ORMDL2: variants seen among roughly 807,000 people sequenced by gnomAD.
ORMDL2 encodes the protein ORMDL sphingolipid biosynthesis regulator 2.
Under a neutral mutation model 13.5 loss-of-function variants are expected in ORMDL2, and 11 were observed. That is an observed-to-expected ratio of 0.82 (90% CI 0.51 to 1.35). The LOEUF (loss-of-function observed/expected upper bound fraction) is 1.35, where lower values mean the gene tolerates loss of function less well. ORMDL2 is among the 40% of genes most tolerant of loss of function. ORMDL2 has a pLI of 0.00. For synonymous variants in ORMDL2, 73 were observed against 76.5 expected (o/e 0.95, Z 0.24); for missense variants, 160 against 191.1 (o/e 0.84, Z 0.96).
chr12:55,818,072 C>CG lies in ORMDL2; in HGVS notation c.-40dup, dbSNP rs1565686832. The CG allele has an allele frequency of 1.9e-6, 1 of 522,842 alleles. No individual in the cohort carries two copies. Among genetic ancestry groups the CG allele is most frequent in the East Asian group, 5.2e-5 (1 of 19,348 alleles). The allele number at this position is 522,842 out of a possible 1,614,324, so 32.4% of individuals were successfully genotyped here. ...TCCTGGAGACTTCAGGTGTGGTAGC[C>CG]GGCGCCGCGCCCATAGCCGGACGGG... On this transcript the variant is annotated 5_prime_UTR_variant, in exon 1 of 4. Transcript: ENST00000243045.
chr12:55,818,386 C>T (rs1366952242), intron 1 of ORMDL2: 2 of 277,576 alleles, frequency 7.2e-6, no homozygotes, highest in African/African-American at 2.3e-5. Context: ...TCACTGCTGC[C>T]CCTGGAGTCA....
chr12:55,820,359 C>A lies in ORMDL2; in HGVS notation c.426C>A (p.Phe142Leu). ...LSVLLPKLPQFHGVRVFGINK... is the reference protein window; with the variant it reads ...LSVLLPKLPQLHGVRVFGINK... ...TACTGCTGCCGAAGTTGCCCCAGTT[C>A]CATGGGGTTCGTGTCTTTGGCATCA... Residue 142 changes from phenylalanine to leucine, a missense_variant, in exon 4 of 4, where the codon TTC (phenylalanine) becomes TTA (leucine). By Grantham distance (22) the Phe-to-Leu change is conservative. Transcript: ENST00000243045. The A allele has an allele frequency of 1.2e-6, 2 of 1,614,188 alleles. No homozygotes were observed. Among genetic ancestry groups the A allele is most frequent in the Non-Finnish European group, 1.7e-6 (2 of 1,180,026 alleles).
chr12:55,819,054 A>G lies in ORMDL2; in HGVS notation c.55A>G (p.Ser19Gly), dbSNP rs896853126. The change falls in exon 2 of 4, where the codon AGC becomes GGC. Residue 19 changes from serine (S) to glycine (G), a missense_variant. Physicochemically the swap from Ser to Gly is moderately conservative, Grantham distance 56 (BLOSUM62 0). Coordinates refer to ENST00000243045, the MANE Select transcript of ORMDL2 (RefSeq NM_014182.5). ...AAACCCCAACACCCGAGTGATGAAT[A>G]GCCGAGGCATCTGGCTGGCCTACAT... Reference protein sequence around the residue: ...EVNPNTRVMNSRGIWLAYIIL... With the variant: ...EVNPNTRVMNGRGIWLAYIIL... 1 of 1,614,026 alleles carries G rather than the reference A, an allele frequency of 6.2e-7. No individual in the cohort carries two copies. Among genetic ancestry groups the G allele is most frequent in the African/African-American group, 1.3e-5 (1 of 74,916 alleles).
In ORMDL2 at chr12:55,821,059, TAAAAA is replaced by T. The variant is rs150092729; in HGVS notation, c.*670_*674del. ...ATGTACATACAAATATGAACAAACTTAAAAAAAAAATACAAACCCTTGGATCACAT... is the reference window on the plus strand; with the variant it reads ...ATGTACATACAAATATGAACAAACTTAAAAATACAAACCCTTGGATCACAT... On this transcript the variant is annotated 3_prime_UTR_variant, in exon 4 of 4. Transcript: ENST00000243045. The T allele has an allele frequency of 6.6e-6, 1 of 150,594 alleles. No individual in the cohort carries two copies. Among genetic ancestry groups the T allele is most frequent in the South Asian group, 2.1e-4 (1 of 4,776 alleles). The allele number at this position is 150,594 out of a possible 1,614,324, so 9.3% of individuals were successfully genotyped here.
chr12:55,821,714 A>G lies in ORMDL2; in HGVS notation c.*1319A>G. ...AATACAAAAAAGAATTAGCTGGGCC[A>G]GGTGTGGTGGTGTGTGCCTGTAATC... On this transcript the variant is annotated 3_prime_UTR_variant, in exon 4 of 4. Transcript: ENST00000243045. 1 of 258,598 alleles carries G rather than the reference A, an allele frequency of 3.9e-6. No individual in the cohort carries two copies. Among genetic ancestry groups the G allele is most frequent in the Non-Finnish European group, 7.3e-6 (1 of 137,600 alleles). 16.0% of individuals were successfully genotyped at this position (258,598 alleles called of 1,614,324 possible).
chr12:55,819,622 C>A, intron 3 of ORMDL2, 129 bp downstream of exon 3: 1 of 782,640 alleles, frequency 1.3e-6, no homozygotes, highest in Non-Finnish European at 2.1e-6. Flanking sequence ...TTATGGTATA[C>A]TAGTTCTAAG....
chr12:55,818,810 T>G (rs1880582849), intron 1 of ORMDL2, 189 bp from the exon 2 acceptor site: 4 of 581,234 alleles, frequency 6.9e-6, no homozygotes, highest in South Asian at 2.2e-5. Flanking sequence ...TGAAATGTAG[T>G]GAGGACTCTT....
rs1424324846 is a variant in ORMDL2, at chr12:55,821,069, AT to A, written c.*675del. ...AAATATGAACAAACTTAAAAAAAAA[AT>A]ACAAACCCTTGGATCACATGGGGGC... On this transcript the variant is annotated 3_prime_UTR_variant, in exon 4 of 4. Coordinates refer to ENST00000243045, the MANE Select transcript of ORMDL2 (RefSeq NM_014182.5). 1.3e-5 allele frequency: 2 copies of A among 152,692 alleles called. No homozygotes were observed. Among genetic ancestry groups the A allele is most frequent in the African/African-American group, 2.4e-5 (1 of 41,464 alleles). The allele number at this position is 152,692 out of a possible 1,614,324, so 9.5% of individuals were successfully genotyped here. A position where few individuals can be genotyped will look rare whatever the true frequency, so the allele number is the denominator to read the frequency against.
In ORMDL2 at chr12:55,821,083, A is replaced by G. The variant is rs916047702; in HGVS notation, c.*688A>G. 6.6e-6 allele frequency: 1 copy of G among 152,668 alleles called. No homozygotes were observed. Among genetic ancestry groups the G allele is most frequent in the African/African-American group, 2.4e-5 (1 of 41,464 alleles). The allele number at this position is 152,668 out of a possible 1,614,324, so 9.5% of individuals were successfully genotyped here. On this transcript the variant is annotated 3_prime_UTR_variant, in exon 4 of 4. Coordinates refer to ENST00000243045, the MANE Select transcript of ORMDL2 (RefSeq NM_014182.5). ...TTAAAAAAAAAATACAAACCCTTGG[A>G]TCACATGGGGGCTTCTGGGAACCCC... is the stretch of plus-strand genomic sequence containing the variant.
Position 55,819,098 on chromosome 12 carries a change from G to T in ORMDL2, c.99G>T (p.Leu33=), listed in dbSNP as rs751278530. The change falls in exon 2 of 4, where the codon CTG becomes CTT. Residue 33 remains leucine (L), a synonymous_variant. Coordinates refer to ENST00000243045, the MANE Select transcript of ORMDL2 (RefSeq NM_014182.5). ...WLAYIILVGL[L]HMVLLSIPFF... is the part of the protein sequence containing the mutation. ...CCTACATCATCTTGGTAGGATTGCT[G>T]CATATGGTTCTACTCAGCATCCCCT... 1 of 1,614,116 alleles carries T rather than the reference G, an allele frequency of 6.2e-7. No individual in the cohort carries two copies. Among genetic ancestry groups the T allele is most frequent in the Admixed American group, 1.7e-5 (1 of 60,028 alleles).
At position 55,821,781 on chromosome 12, in the gene ORMDL2, C is replaced by T. The variant is rs137920300; in HGVS notation, c.*1386C>T. ...CTGAGATGGGAGAATTGCTTGAACCCGGGAGACAGAGGTTGCAGTAAGCTG... is the reference window on the plus strand; with the variant it reads ...CTGAGATGGGAGAATTGCTTGAACCTGGGAGACAGAGGTTGCAGTAAGCTG... On this transcript the variant is annotated 3_prime_UTR_variant, in exon 4 of 4. Coordinates refer to ENST00000243045, the MANE Select transcript of ORMDL2 (RefSeq NM_014182.5). 6,596 of 442,086 alleles carry T rather than the reference C, an allele frequency of 0.015. 79 individuals carry two copies. Among genetic ancestry groups the T allele is most frequent in the Non-Finnish European group, 0.018 (4,701 of 265,134 alleles). 27.4% of individuals were successfully genotyped at this position (442,086 alleles called of 1,614,324 possible). A position where few individuals can be genotyped will look rare whatever the true frequency, so the allele number is the denominator to read the frequency against.
Position 55,820,294 on chromosome 12 carries a change from G to A in ORMDL2, c.361G>A (p.Ala121Thr). 1.9e-6 allele frequency: 3 copies of A among 1,613,788 alleles called. No homozygotes were observed. Among genetic ancestry groups the A allele is most frequent in the South Asian group, 1.1e-5 (1 of 91,064 alleles). The change falls in exon 4 of 4, where the codon GCT becomes ACT. Residue 121 changes from alanine (A) to threonine (T), a missense_variant. Transcript: ENST00000243045. ...LLASFYTKYD[A>T]AHFLINTASL... ...GGCCAGCTTCTATACCAAGTATGAT[G>A]CTGCGCACTTCCTCATCAACACAGC...
rs1880631587 is a variant in ORMDL2 at position 55,820,295 on chromosome 12, C to T, written c.362C>T (p.Ala121Val). 1 of 1,613,896 alleles carries T rather than the reference C, an allele frequency of 6.2e-7. No homozygotes were observed. Among genetic ancestry groups the T allele is most frequent in the African/African-American group, 1.3e-5 (1 of 75,026 alleles). Reference protein sequence around the residue: ...LLASFYTKYDAAHFLINTASL... With the variant: ...LLASFYTKYDVAHFLINTASL... ...GCCAGCTTCTATACCAAGTATGATG[C>T]TGCGCACTTCCTCATCAACACAGCC... Residue 121 changes from alanine (A) to valine (V), a missense_variant, in exon 4 of 4, where the codon GCT becomes GTT. Transcript: ENST00000243045.
Position 55,821,079 on chromosome 12 carries a change from T to C in ORMDL2, c.*684T>C, listed in dbSNP as rs960052199. Reference sequence around the variant, plus strand: ...AAACTTAAAAAAAAAATACAAACCCTTGGATCACATGGGGGCTTCTGGGAA... The same window carrying C: ...AAACTTAAAAAAAAAATACAAACCCCTGGATCACATGGGGGCTTCTGGGAA... On this transcript the variant is annotated 3_prime_UTR_variant, in exon 4 of 4. Coordinates refer to ENST00000243045, the MANE Select transcript of ORMDL2 (RefSeq NM_014182.5). The C allele has an allele frequency of 2.0e-5, 3 of 152,624 alleles. No individual in the cohort carries two copies. The highest frequency in any genetic ancestry group is 2.0e-4 in the Admixed American group (3 of 15,280). The allele number at this position is 152,624 out of a possible 1,614,324, so 9.5% of individuals were successfully genotyped here.
chr12:55,818,224 G>A, intron 1 of ORMDL2, 112 bp downstream of exon 1: 1 of 278,470 alleles, frequency 3.6e-6, no homozygotes, highest in Non-Finnish European at 7.2e-6. Flanking sequence ...AGGGAGCCCT[G>A]AAAAAACCGA....
chr12:55,819,154 C>G lies in ORMDL2; in HGVS notation c.155C>G (p.Thr52Ser), dbSNP rs1565687264. 6.2e-7 allele frequency: 1 copy of G among 1,614,094 alleles called. No individual in the cohort carries two copies. Among genetic ancestry groups the G allele is most frequent in the Non-Finnish European group, 8.5e-7 (1 of 1,179,940 alleles). Reference protein sequence around the residue: ...FFSIPVVWTLTNVIHNLATYV... With the variant: ...FFSIPVVWTLSNVIHNLATYV... ...AGCATTCCTGTTGTCTGGACCCTGA[C>G]CAACGTCATCCATAACCTGGTGAGC... Residue 52 changes from threonine (T) to serine (S), a missense_variant, in exon 2 of 4, where the codon ACC (threonine) becomes AGC (serine). Transcript: ENST00000243045.
chr12:55,820,211 A>G (rs1402547600), intron 3 of ORMDL2, 49 bp from the exon 4 acceptor site: 2 of 1,535,564 alleles, frequency 1.3e-6, no homozygotes, highest in East Asian at 2.3e-5. Context: ...AAAAAAGAAT[A>G]TGGATAGAGA....
At chr12:55,818,512 A>G (rs1160098024) in intron 1 of ORMDL2, 1 of 198,074 alleles carries the variant, frequency 5.0e-6, no homozygotes, top group East Asian at 1.4e-4. Flanking sequence ...GGGGATGCAG[A>G]CTGTTTACAT....
chr12:55,820,101 T>C (rs1028714244), intron 3 of ORMDL2, 159 bp from the exon 4 acceptor site: 2 of 678,034 alleles, frequency 2.9e-6, no homozygotes. Flanking sequence ...AGAAGGATTG[T>C]TTGAGCCCAG....
Sources: gnomAD v4.1 joint callset for allele counts on GRCh38, gnomAD v4.1.1 for gene constraint, MANE v1.5 for transcripts, NCBI Gene and HGNC (gene_info 2026-07-23, HGNC 2026-07-21) for gene names.